HDAC9: variants seen among roughly 807,000 people sequenced by gnomAD.
HDAC9 encodes the protein histone deacetylase 9, also known as MEF-2 interacting transcription repressor (MITR) protein.
In HDAC9, 41 loss-of-function variants were observed where a neutral mutation model predicts 139.4. The ratio of observed to expected loss-of-function variants is 0.29; its 90% CI spans 0.23 to 0.38. The LOEUF is 0.38. HDAC9 is among the 10% of genes least tolerant of loss of function. The probability of loss-of-function intolerance (pLI) is 1.00; values close to 1 mark genes in which losing one functional copy is unlikely to be tolerated. For missense variants in HDAC9, 1,147 were observed against 1,297.0 expected (o/e 0.88, Z 1.78); for synonymous variants, 517 against 476.2 (o/e 1.09, Z -1.12).
chr7:18,961,131 C>T (rs1783502293), intron 24 of HDAC9, among the ~76,000 whole-genome samples: 1 of 152,082 alleles, frequency 6.6e-6, no homozygotes. Flanking sequence ...CTTCCATTTC[C>T]ATCCTATTGA....
At chr7:18,502,052 A>G (rs1204489604) in intron 2 of HDAC9, among the ~76,000 whole-genome samples, 1 of 152,178 alleles carries the variant, frequency 6.6e-6, no homozygotes, top group Non-Finnish European at 1.5e-5. Context: ...GTGTGATCCT[A>G]AGATTGGATC....
At chr7:18,183,905 C>T (rs1789702682) in intron 2 of HDAC9, among the ~76,000 whole-genome samples, 1 of 152,158 alleles carries the variant, frequency 6.6e-6, no homozygotes, top group African/African-American at 2.4e-5. Flanking sequence ...TTTTTTCATT[C>T]TACCATTCTC....
At chr7:18,590,261 C>T (rs1259372388) in intron 3 of HDAC9, 75 bp from the exon 4 acceptor site, 1 of 1,452,290 alleles carries the variant, frequency 6.9e-7, no homozygotes, top group Admixed American at 2.1e-5. Context: ...AAGCTCATAA[C>T]ATTTCAGTTT....
At chr7:18,740,804 T>C (rs1787379981) in intron 13 of HDAC9, among the ~76,000 whole-genome samples, 1 of 152,198 alleles carries the variant, frequency 6.6e-6, no homozygotes, top group South Asian at 2.1e-4. Flanking sequence ...AGAAAAGCTC[T>C]TGAAGGAAAT....
At chr7:18,933,851 C>T (rs1409330582) in intron 22 of HDAC9, among the ~76,000 whole-genome samples, 1 of 151,972 alleles carries the variant, frequency 6.6e-6, no homozygotes. Flanking sequence ...AATTGGAATT[C>T]TAGAGTTAAA....
At chr7:18,284,730 G>A (rs1332766562) in intron 2 of HDAC9, among the ~76,000 whole-genome samples, 1 of 152,086 alleles carries the variant, frequency 6.6e-6, no homozygotes, top group Non-Finnish European at 1.5e-5. Flanking sequence ...AACTAAAAGA[G>A]CTCCAGTTTG....
intron 1 of HDAC9, among the ~76,000 whole-genome samples, chr7:18,442,015 C>G (rs1791821469): frequency 6.6e-6 from 1 of 152,148 alleles, no homozygotes; most frequent in Non-Finnish European, 1.5e-5. Flanking sequence ...CGTGATCTGC[C>G]CGCCTCAGCC....
chr7:18,369,138 A>G (rs77300464), intron 1 of HDAC9, among the ~76,000 whole-genome samples: 2,860 of 152,150 alleles, frequency 0.019, 98 homozygotes, highest in East Asian at 0.16. Flanking sequence ...ACATATCTCT[A>G]TTTAAAATAA....
At chr7:18,233,372 T>G (rs1793597258) in intron 2 of HDAC9, among the ~76,000 whole-genome samples, 1 of 151,984 alleles carries the variant, frequency 6.6e-6, no homozygotes, top group South Asian at 2.1e-4. Flanking sequence ...CTTGGACCAT[T>G]AATTATGCCA....
At chr7:18,443,303 A>G (rs1220913590) in intron 1 of HDAC9, among the ~76,000 whole-genome samples, 1 of 152,212 alleles carries the variant, frequency 6.6e-6, no homozygotes, top group Admixed American at 6.5e-5. Flanking sequence ...GGGGAAAATT[A>G]TCTAGTGATT....
Position 18,952,073 on chromosome 7 carries a change from TG to T in HDAC9, c.2938-2069del, listed in dbSNP as rs1257516445. 5.9e-5 allele frequency among the ~76,000 whole-genome samples: 9 copies of T among 152,076 alleles called. No individual in the cohort carries two copies. In the Middle Eastern group the frequency reaches 0.014, roughly 230 times the overall value. On this transcript the variant is annotated intron_variant, in intron 23 of 25. Transcript: ENST00000686413. ...TGTATACACTCAAAATGAAACAAAT[TG>T]GGGCAATTTACTGAAGGTTAAATCC...
intron 1 of HDAC9, among the ~76,000 whole-genome samples, chr7:18,437,274 A>C (rs1791292309): frequency 6.6e-6 from 1 of 152,102 alleles, no homozygotes; most frequent in Non-Finnish European, 1.5e-5. Flanking sequence ...AAAGCCTGCC[A>C]AAAATATCAT....
At chr7:18,282,702 A>C (rs1797177701) in intron 2 of HDAC9, among the ~76,000 whole-genome samples, 1 of 152,084 alleles carries the variant, frequency 6.6e-6, no homozygotes, top group African/African-American at 2.4e-5. Flanking sequence ...ATCCATACCA[A>C]TCCACCGGGG....
At chr7:18,438,716 G>A (rs1791463933) in intron 1 of HDAC9, among the ~76,000 whole-genome samples, 1 of 151,864 alleles carries the variant, frequency 6.6e-6, no homozygotes, top group African/African-American at 2.4e-5. Flanking sequence ...TGGTGCATGT[G>A]TGTAAATGTT....
intron 22 of HDAC9, among the ~76,000 whole-genome samples, chr7:18,932,102 C>T (rs1804797005): frequency 6.6e-6 from 1 of 152,122 alleles, no homozygotes; most frequent in Non-Finnish European, 1.5e-5. Context: ...GCTGTACTTC[C>T]TGCTCAGTTT....
At chr7:18,741,125 A>G (rs114789235) in intron 13 of HDAC9, among the ~76,000 whole-genome samples, 2,853 of 152,354 alleles carry the variant, frequency 0.019, 89 homozygotes, top group African/African-American at 0.065. Context: ...CACGTTTTCC[A>G]GAAAGTCTAG....
intron 1 of HDAC9, among the ~76,000 whole-genome samples, chr7:18,309,195 C>G (rs1799135031): frequency 6.6e-6 from 1 of 152,084 alleles, no homozygotes. Context: ...AAATGTTCAG[C>G]CCAAGGTACA....
intron 2 of HDAC9, among the ~76,000 whole-genome samples, chr7:18,285,211 A>G (rs1585002319): frequency 6.6e-6 from 1 of 152,140 alleles, no homozygotes; most frequent in African/African-American, 2.4e-5. Flanking sequence ...GACTTGGGTC[A>G]TTAATACCAA....
chr7:18,214,238 C>G (rs1476621763), intron 2 of HDAC9, among the ~76,000 whole-genome samples: 1 of 151,908 alleles, frequency 6.6e-6, no homozygotes, highest in Non-Finnish European at 1.5e-5. Context: ...CAACATCATA[C>G]AGAAAGTATT....
Sources: gnomAD v4.1 joint callset for allele counts (sites outside exome capture counted in the v4.1 genomes callset) on GRCh38, gnomAD v4.1.1 for gene constraint, MANE v1.5 for transcripts, NCBI Gene and HGNC (gene_info 2026-07-23, HGNC 2026-07-21) for gene names.